The following GRIK2 variants were observed in gnomAD, a reference collection of about 807,000 sequenced individuals.
GRIK2 encodes the protein glutamate ionotropic receptor kainate type subunit 2, also known as glutamate receptor ionotropic, kainate 2.
A neutral mutation model predicts 100.3 loss-of-function variants in GRIK2; 32 were observed. That is an observed-to-expected ratio of 0.32 (90% CI 0.24 to 0.43). The LOEUF (loss-of-function observed/expected upper bound fraction) is 0.43, where lower values mean the gene tolerates loss of function less well. Ranked by LOEUF, GRIK2 falls within the 20% of genes least tolerant of loss-of-function variation. The pLI is 1.00. For missense variants in GRIK2, 843 were observed against 1,114.9 expected (o/e 0.76, Z 3.47); for synonymous variants, 417 against 389.4 (o/e 1.07, Z -0.83).
At chr6:101,726,743 A>G (rs570338659) in intron 7 of GRIK2, among the ~76,000 whole-genome samples, 1 of 152,164 alleles carries the variant, frequency 6.6e-6, no homozygotes, top group African/African-American at 2.4e-5. Flanking sequence ...CTGTTTGGTC[A>G]AATTACGTGT....
chr6:102,019,878 A>G (rs989317445), intron 14 of GRIK2, among the ~76,000 whole-genome samples: 1 of 151,978 alleles, frequency 6.6e-6, no homozygotes. Flanking sequence ...TCTATTTCAT[A>G]TTTACTTAGT....
At chr6:101,783,635 A>G (rs1779244332) in intron 7 of GRIK2, among the ~76,000 whole-genome samples, 1 of 152,320 alleles carries the variant, frequency 6.6e-6, no homozygotes, top group Admixed American at 6.5e-5. Flanking sequence ...AGTGGGGAAA[A>G]GTTTGGAACT....
chr6:101,626,678 T>C (rs781048326), intron 4 of GRIK2, 41 bp downstream of exon 4: 4 of 1,550,624 alleles, frequency 2.6e-6, no homozygotes, highest in Admixed American at 1.8e-5. Context: ...GCTTTAAATA[T>C]AGATAATTTT....
At chr6:101,588,182 A>T (rs1411984980) in intron 2 of GRIK2, among the ~76,000 whole-genome samples, 3 of 152,140 alleles carry the variant, frequency 2.0e-5, no homozygotes, top group Non-Finnish European at 4.4e-5. Context: ...AAATAGATGC[A>T]ACTATGAAGC....
At chr6:102,036,230 AACACAC>A (rs775417100) in intron 15 of GRIK2, among the ~76,000 whole-genome samples, 30 of 146,308 alleles carry the variant, frequency 2.1e-4, no homozygotes, top group African/African-American at 5.3e-4. Context: ...GCCGTAAGTA[AACACAC>A]ACACACACAC....
At chr6:102,035,273 G>A (rs1770210638) in intron 14 of GRIK2, 68 bp from the exon 15 acceptor site, 1 of 768,462 alleles carries the variant, frequency 1.3e-6, no homozygotes, top group Non-Finnish European at 2.2e-6. Flanking sequence ...TTGTGTCTAA[G>A]CATTATAGGA....
At chr6:101,810,865 A>G (rs1378457665) in intron 9 of GRIK2, among the ~76,000 whole-genome samples, 4 of 152,064 alleles carry the variant, frequency 2.6e-5, no homozygotes, top group Admixed American at 1.3e-4. Context: ...TCTGTACCCA[A>G]TATTCATGCA....
At position 101,789,824 on chromosome 6, in the gene GRIK2, C is replaced by T. The variant is rs534596165; in HGVS notation, c.952-9824C>T. ...TATGGCCATTTTCATGATATTGATTCTTCCTACCCATGAGCATGGAATGTT... is the reference window on the plus strand; with the variant it reads ...TATGGCCATTTTCATGATATTGATTTTTCCTACCCATGAGCATGGAATGTT... On this transcript the variant is annotated intron_variant, in intron 7 of 16. Coordinates refer to ENST00000369134, the MANE Select transcript of GRIK2 (RefSeq NM_021956.5). 4.6e-5 allele frequency among the ~76,000 whole-genome samples: 7 copies of T among 152,282 alleles called. No homozygotes were observed. The East Asian group carries it at 1.3e-3, about 29-fold the overall frequency.
chr6:101,485,683 T>C (rs967584915), intron 2 of GRIK2, among the ~76,000 whole-genome samples: 1 of 152,160 alleles, frequency 6.6e-6, no homozygotes, highest in Non-Finnish European at 1.5e-5. Flanking sequence ...AGAGCAATTA[T>C]ATTGAAATAT....
At chr6:101,485,585 A>G (rs752309115) in intron 2 of GRIK2, among the ~76,000 whole-genome samples, 16 of 152,174 alleles carry the variant, frequency 1.1e-4, no homozygotes, top group Non-Finnish European at 2.2e-4. Flanking sequence ...TAATTCTGAA[A>G]AGTAACTCTT....
chr6:102,050,530 C>G (rs1340253047), intron 15 of GRIK2, among the ~76,000 whole-genome samples: 2 of 151,586 alleles, frequency 1.3e-5, no homozygotes, highest in Non-Finnish European at 2.9e-5. Context: ...GCCTGTAATC[C>G]CAGCTGCTCG....
chr6:101,848,329 C>T (rs1326166769), intron 10 of GRIK2, among the ~76,000 whole-genome samples: 4 of 152,044 alleles, frequency 2.6e-5, no homozygotes, highest in African/African-American at 4.8e-5. Flanking sequence ...TTATCAACTG[C>T]TTCTATGGCT....
At chr6:101,856,410 A>G (rs1441178175) in intron 10 of GRIK2, among the ~76,000 whole-genome samples, 1 of 152,198 alleles carries the variant, frequency 6.6e-6, no homozygotes, top group Non-Finnish European at 1.5e-5. Flanking sequence ...CATGCTGACA[A>G]GTGCTATTGG....
intron 16 of GRIK2, among the ~76,000 whole-genome samples, chr6:102,059,925 T>TA (rs1006070940): frequency 4.7e-5 from 7 of 150,040 alleles, no homozygotes; most frequent in African/African-American, 9.7e-5. Flanking sequence ...TTTCCTGACA[T>TA]AAAAAAAATC....
At chr6:101,752,068 G>A (rs1776823528) in intron 7 of GRIK2, among the ~76,000 whole-genome samples, 1 of 152,036 alleles carries the variant, frequency 6.6e-6, no homozygotes, top group South Asian at 2.1e-4. Context: ...AAAAATAAAT[G>A]CTTATTTTCC....
In GRIK2 at chr6:101,645,413, A is replaced by G. The variant is rs570889258; in HGVS notation, c.541+18776A>G. ...CATCAATTTTTCTCTTAAGTGGGAAACTACAATACATAACAAGGTTGTTTT... is the reference window on the plus strand; with the variant it reads ...CATCAATTTTTCTCTTAAGTGGGAAGCTACAATACATAACAAGGTTGTTTT... On this transcript the variant is annotated intron_variant, in intron 4 of 16. Transcript: ENST00000369134. 2.0e-5 allele frequency among the ~76,000 whole-genome samples: 3 copies of G among 151,952 alleles called. No homozygotes were observed. The South Asian group carries it at 6.2e-4, about 31-fold the overall frequency.
At chr6:101,876,484 A>AACAGACAC (rs368176541) in intron 11 of GRIK2, among the ~76,000 whole-genome samples, 9,479 of 148,818 alleles carry the variant, frequency 0.064, 781 homozygotes, top group African/African-American at 0.19. Flanking sequence ...AACAAAAACA[A>AACAGACAC]ACACACACAC....
intron 14 of GRIK2, among the ~76,000 whole-genome samples, chr6:102,012,420 TATAG>T (rs1429917953): frequency 6.6e-6 from 1 of 152,172 alleles, no homozygotes; most frequent in African/African-American, 2.4e-5. Flanking sequence ...GTGTTGACTT[TATAG>T]ATAAAGTTGA....
At chr6:101,952,728 G>C (rs1791676771) in intron 14 of GRIK2, among the ~76,000 whole-genome samples, 1 of 151,756 alleles carries the variant, frequency 6.6e-6, no homozygotes, top group Non-Finnish European at 1.5e-5. Flanking sequence ...TCAGCATCCT[G>C]AGTAGCTGGG....
Sources: gnomAD v4.1 joint callset for allele counts (sites outside exome capture counted in the v4.1 genomes callset) on GRCh38, gnomAD v4.1.1 for gene constraint, MANE v1.5 for transcripts, NCBI Gene and HGNC (gene_info 2026-07-23, HGNC 2026-07-21) for gene names.